Variants in CDYL2 observed in about 807,000 individuals in gnomAD.
CDYL2 encodes chromodomain Y-like protein 2.
Under a neutral mutation model 49.4 loss-of-function variants are expected in CDYL2, and 23 were observed. The ratio of observed to expected loss-of-function variants is 0.47; its 90% CI spans 0.34 to 0.66. The LOEUF (loss-of-function observed/expected upper bound fraction) is 0.66, where lower values mean the gene tolerates loss of function less well. Among genes scored for constraint, CDYL2 ranks in the 30% least tolerant of loss-of-function variants. CDYL2 has a pLI of 0.01. For missense variants in CDYL2, 678 were observed against 656.4 expected, an observed-to-expected ratio of 1.03 and a Z score of -0.36; for synonymous variants, 360 against 268.8, an observed-to-expected ratio of 1.34 and a Z score of -3.32.
chr16:80,751,618 AAAGTGCTCAATGATTC>A (rs1232287608), intron 1 of CDYL2, among the ~76,000 whole-genome samples: 1 of 152,252 alleles, frequency 6.6e-6, no homozygotes, highest in African/African-American at 2.4e-5. Context: ...TTTTTCCTTC[AAAGTGCTCAATGATTC>A]TTAGTCAAAG....
chr16:80,729,212 C>T (rs1323782553), intron 1 of CDYL2, among the ~76,000 whole-genome samples: 9 of 152,218 alleles, frequency 5.9e-5, no homozygotes, highest in South Asian at 2.1e-4. Flanking sequence ...ACCCATTTCA[C>T]GTGCAGAGAC....
At chr16:80,769,220 G>T (rs8055721) in intron 1 of CDYL2, among the ~76,000 whole-genome samples, 34,142 of 152,120 alleles carry the variant, frequency 0.22, 5,997 homozygotes, top group African/African-American at 0.49. Context: ...TTCTGGGATA[G>T]GATCGCATTC....
intron 1 of CDYL2, among the ~76,000 whole-genome samples, chr16:80,705,209 T>C (rs1904364694): frequency 1.3e-5 from 2 of 152,214 alleles, no homozygotes; most frequent in Non-Finnish European, 1.5e-5. Context: ...TCTAGCAGGA[T>C]GGCTGCTAAC....
At chr16:80,703,573 C>A (rs1457928881) in intron 1 of CDYL2, among the ~76,000 whole-genome samples, 1 of 152,174 alleles carries the variant, frequency 6.6e-6, no homozygotes, top group African/African-American at 2.4e-5. Flanking sequence ...ATCCCCATCA[C>A]CCTGTGGTGG....
chr16:80,746,761 T>C (rs1045627861), intron 1 of CDYL2, among the ~76,000 whole-genome samples: 1 of 152,156 alleles, frequency 6.6e-6, no homozygotes, highest in Non-Finnish European at 1.5e-5. Flanking sequence ...TCCAGCAATA[T>C]GGCACAACAT....
chr16:80,624,179 T>C (rs1907205492), intron 3 of CDYL2, among the ~76,000 whole-genome samples: 1 of 152,198 alleles, frequency 6.6e-6, no homozygotes, highest in African/African-American at 2.4e-5. Context: ...TTGGCCAGGC[T>C]GAAAAGGTAC....
intron 2 of CDYL2, among the ~76,000 whole-genome samples, chr16:80,635,492 C>T (rs1698483136): frequency 6.6e-6 from 1 of 152,224 alleles, no homozygotes; most frequent in East Asian, 1.9e-4. Context: ...AATACTTAGG[C>T]ATACAACTTA....
chr16:80,612,608 G>A lies in CDYL2; in HGVS notation c.1218+18C>T, dbSNP rs1906647570. 6.3e-7 allele frequency: 1 copy of A among 1,585,222 alleles called. No individual in the cohort carries two copies. Among genetic ancestry groups the A allele is most frequent in the Non-Finnish European group, 8.6e-7 (1 of 1,165,198 alleles). On this transcript the variant is annotated intron_variant, in intron 5 of 6. Coordinates refer to ENST00000570137, the MANE Select transcript of CDYL2 (RefSeq NM_152342.4). The surrounding 1 kb of genome is among the most constrained non-coding windows in gnomAD (Gnocchi z 5.0). ...GGATCCTGCTGGGACCCGAATCCAG[G>A]TATCACAGGAGGCTTACCAGCGCGA...
rs9938912 is a variant in CDYL2 at position 80,755,419 on chromosome 16, T to G, written c.24+48731A>C. Among the ~76,000 whole-genome samples the G allele has an allele frequency of 9.6e-3, 1,469 of 152,312 alleles. 24 individuals carry two copies. Among genetic ancestry groups the G allele is most frequent in the African/African-American group, 0.034 (1,429 of 41,572 alleles). Reference sequence around the variant, plus strand: ...CATACTCGGCACTTCACAGTTTATCTGCAGAGAGACCTGACATCCTGTGGA... The same window carrying G: ...CATACTCGGCACTTCACAGTTTATCGGCAGAGAGACCTGACATCCTGTGGA... On this transcript the variant is annotated intron_variant, in intron 1 of 6. Coordinates refer to ENST00000570137, the MANE Select transcript of CDYL2 (RefSeq NM_152342.4).
intron 2 of CDYL2, among the ~76,000 whole-genome samples, chr16:80,647,886 T>C (rs1013972440): frequency 6.6e-6 from 1 of 151,998 alleles, no homozygotes; most frequent in Non-Finnish European, 1.5e-5. Context: ...TTAGAAACTA[T>C]ACAAATACAT....
intron 2 of CDYL2, among the ~76,000 whole-genome samples, chr16:80,638,514 A>C (rs555225174): frequency 9.8e-5 from 15 of 152,360 alleles, no homozygotes; most frequent in Admixed American, 9.8e-4. Flanking sequence ...CAAAAGACCT[A>C]GGTAATACTG....
intron 2 of CDYL2, among the ~76,000 whole-genome samples, chr16:80,642,971 C>T (rs1451939808): frequency 1.3e-5 from 2 of 152,072 alleles, no homozygotes; most frequent in Non-Finnish European, 2.9e-5. Context: ...CTGAACAGGC[C>T]CCCAAAGTTT....
chr16:80,746,164 T>C (rs1905923256), intron 1 of CDYL2, among the ~76,000 whole-genome samples: 1 of 152,150 alleles, frequency 6.6e-6, no homozygotes, highest in Non-Finnish European at 1.5e-5. Flanking sequence ...GGGCTGTACC[T>C]GCGTGAAAAT....
chr16:80,664,144 G>C (rs987125889), intron 2 of CDYL2, among the ~76,000 whole-genome samples: 1 of 152,078 alleles, frequency 6.6e-6, no homozygotes, highest in Non-Finnish European at 1.5e-5. Flanking sequence ...CTGCTCAAAA[G>C]TTCACATGCC....
intron 1 of CDYL2, among the ~76,000 whole-genome samples, chr16:80,764,846 G>C (rs922870062): frequency 3.3e-5 from 5 of 151,854 alleles, no homozygotes; most frequent in Non-Finnish European, 4.4e-5. Context: ...GGATCACGAG[G>C]TCAGGAGATC....
chr16:80,788,596 A>G (rs1262864869), intron 1 of CDYL2, among the ~76,000 whole-genome samples: 2 of 152,228 alleles, frequency 1.3e-5, no homozygotes, highest in Non-Finnish European at 2.9e-5. Flanking sequence ...ATCTACCAAC[A>G]AAAGGACAGA....
At chr16:80,765,845 A>G (rs550209288) in intron 1 of CDYL2, among the ~76,000 whole-genome samples, 1 of 134,130 alleles carries the variant, frequency 7.5e-6, no homozygotes, top group African/African-American at 2.9e-5. Context: ...GTTTGAGACC[A>G]GCCTGGGCAA....
chr16:80,778,343 CAGAA>C (rs1312486525), intron 1 of CDYL2, among the ~76,000 whole-genome samples: 5 of 151,366 alleles, frequency 3.3e-5, no homozygotes, highest in East Asian at 1.9e-4. Context: ...TTATAACTGA[CAGAA>C]AGACAGGTAA....
chr16:80,759,122 A>ATATATATATATATATATATATATATGTTT (rs1567597502), intron 1 of CDYL2, among the ~76,000 whole-genome samples: 1 of 127,854 alleles, frequency 7.8e-6, no homozygotes, highest in African/African-American at 3.3e-5. Context: ...ATATATATAT[A>ATATATATATATATATATATATATATGTTT]TATATATATA....
Sources: gnomAD v4.1 joint callset for allele counts (sites outside exome capture counted in the v4.1 genomes callset) on GRCh38, gnomAD v4.1.1 for gene constraint, Gnocchi (gnomAD v3.1) non-coding constraint, MANE v1.5 for transcripts, NCBI Gene and HGNC (gene_info 2026-07-23, HGNC 2026-07-21) for gene names.